PCDH15: variants seen among roughly 807,000 people sequenced by gnomAD.
PCDH15 encodes protocadherin-15.
In PCDH15, 129 loss-of-function variants were observed where a neutral mutation model predicts 178.5. The ratio of observed to expected loss-of-function variants is 0.72; its 90% CI spans 0.63 to 0.84. PCDH15 has a LOEUF of 0.84. Ranked by LOEUF, PCDH15 falls within the 40% of genes least tolerant of loss-of-function variation. The pLI is 0.00. For missense variants in PCDH15, 2,230 were observed against 2,099.9 expected (o/e 1.06, Z -1.21); for synonymous variants, 800 against 732.0 (o/e 1.09, Z -1.50).
intron 1 of PCDH15, among the ~76,000 whole-genome samples, chr10:54,796,268 A>ATCTATCTGTCTG (rs1554796123): frequency 9.1e-5 from 11 of 120,932 alleles, no homozygotes; most frequent in South Asian, 5.4e-4. Context: ...CTATCTATCT[A>ATCTATCTGTCTG]TCTATGTATC....
chr10:55,388,919 A>G (rs1328675092), intron 2 of PCDH15, among the ~76,000 whole-genome samples: 2 of 152,126 alleles, frequency 1.3e-5, no homozygotes, highest in Non-Finnish European at 2.9e-5. Flanking sequence ...GTTTGGGAGA[A>G]AAATTCAGAA....
At chr10:54,828,391 T>G (rs538416620) in intron 3 of PCDH15, among the ~76,000 whole-genome samples, 5 of 152,076 alleles carry the variant, frequency 3.3e-5, no homozygotes, top group Admixed American at 1.3e-4. Flanking sequence ...GTAATTCAAT[T>G]TATAACTTCA....
At chr10:54,407,295 G>C (rs1484102202) in intron 3 of PCDH15, among the ~76,000 whole-genome samples, 2 of 151,952 alleles carry the variant, frequency 1.3e-5, no homozygotes, top group Non-Finnish European at 2.9e-5. Flanking sequence ...AGTTACATGT[G>C]TGTATATACT....
At chr10:55,616,545 T>C (rs1182490424) in intron 2 of PCDH15, among the ~76,000 whole-genome samples, 2 of 151,484 alleles carry the variant, frequency 1.3e-5, no homozygotes, top group Non-Finnish European at 2.9e-5. Context: ...AGTAACTCTC[T>C]GAGTGATACA....
intron 25 of PCDH15, among the ~76,000 whole-genome samples, chr10:53,920,831 C>G (rs1045487664): frequency 2.0e-5 from 3 of 151,964 alleles, no homozygotes; most frequent in Non-Finnish European, 2.9e-5. Context: ...AAATATTTCC[C>G]TAGGTATATT....
At chr10:54,107,880 A>G (rs1467726785) in intron 15 of PCDH15, among the ~76,000 whole-genome samples, 1 of 152,194 alleles carries the variant, frequency 6.6e-6, no homozygotes, top group East Asian at 1.9e-4. Flanking sequence ...AGATGTCTGG[A>G]ATGGGAGGTC....
At chr10:54,496,069 T>G (rs1423208125) in intron 3 of PCDH15, among the ~76,000 whole-genome samples, 2 of 152,196 alleles carry the variant, frequency 1.3e-5, no homozygotes, top group Non-Finnish European at 2.9e-5. Flanking sequence ...AGGATTGTGC[T>G]TTACATATCC....
At chr10:55,607,625 A>C (rs1843253613) in intron 2 of PCDH15, among the ~76,000 whole-genome samples, 1 of 148,946 alleles carries the variant, frequency 6.7e-6, no homozygotes, top group Non-Finnish European at 1.5e-5. Flanking sequence ...GGAAATCATC[A>C]TTCTCAGTAA....
intron 3 of PCDH15, among the ~76,000 whole-genome samples, chr10:54,432,529 C>G (rs547613548): frequency 6.6e-6 from 1 of 152,156 alleles, no homozygotes; most frequent in South Asian, 2.1e-4. Context: ...TATCCATATG[C>G]AGAAGAATGA....
At chr10:55,486,215 TGATCCTGGG>T (rs1840294799) in intron 2 of PCDH15, among the ~76,000 whole-genome samples, 1 of 151,640 alleles carries the variant, frequency 6.6e-6, no homozygotes, top group South Asian at 2.1e-4. Context: ...AACGTGAGGG[TGATCCTGGG>T]GATACCTTCC....
At chr10:54,400,171 A>C (rs1589221000) in intron 3 of PCDH15, among the ~76,000 whole-genome samples, 1 of 152,220 alleles carries the variant, frequency 6.6e-6, no homozygotes, top group Non-Finnish European at 1.5e-5. Flanking sequence ...TCAGAGTAGG[A>C]GATAAAGTAT....
At chr10:54,295,950 C>A (rs1281734887) in intron 8 of PCDH15, among the ~76,000 whole-genome samples, 1 of 150,458 alleles carries the variant, frequency 6.6e-6, no homozygotes, top group East Asian at 2.0e-4. Context: ...CGAGACCATC[C>A]CGGCTAAAAT....
chr10:55,071,728 A>G (rs1429255086), intron 2 of PCDH15, among the ~76,000 whole-genome samples: 1 of 152,182 alleles, frequency 6.6e-6, no homozygotes, highest in Non-Finnish European at 1.5e-5. Context: ...AATTGAACTC[A>G]TCTCTGCACC....
At chr10:55,471,868 G>T (rs771239149) in intron 2 of PCDH15, among the ~76,000 whole-genome samples, 1 of 152,108 alleles carries the variant, frequency 6.6e-6, no homozygotes, top group Non-Finnish European at 1.5e-5. Flanking sequence ...TATTTTTGCT[G>T]TAACCTGGGG....
intron 26 of PCDH15, among the ~76,000 whole-genome samples, chr10:53,900,908 G>A (rs1286064172): frequency 2.0e-5 from 3 of 152,040 alleles, no homozygotes; most frequent in Non-Finnish European, 4.4e-5. Context: ...TTTAACATTT[G>A]GCTTATCTTT....
At chr10:55,586,476 T>C (rs1427595373) in intron 2 of PCDH15, among the ~76,000 whole-genome samples, 2 of 152,138 alleles carry the variant, frequency 1.3e-5, no homozygotes, top group African/African-American at 4.8e-5. Context: ...AACTTTCTTC[T>C]GAAAATTCCC....
chr10:54,896,533 G>A (rs558914838), intron 3 of PCDH15, among the ~76,000 whole-genome samples: 4 of 151,494 alleles, frequency 2.6e-5, no homozygotes, highest in African/African-American at 9.7e-5. Flanking sequence ...AAATAGCTTA[G>A]CTCCATGAAC....
intron 27 of PCDH15, among the ~76,000 whole-genome samples, chr10:53,859,023 T>A (rs2078935761): frequency 7.1e-6 from 1 of 141,460 alleles, no homozygotes; most frequent in Non-Finnish European, 1.6e-5. Flanking sequence ...TCTTTCTTCC[T>A]TCCCTCTCCT....
At chr10:54,858,593 TAGTC>T (rs1953782700) in intron 3 of PCDH15, among the ~76,000 whole-genome samples, 1 of 152,074 alleles carries the variant, frequency 6.6e-6, no homozygotes, top group Admixed American at 6.6e-5. Context: ...GCTTCTTTGT[TAGTC>T]AGAATGCTAC....
Sources: allele counts gnomAD v4.1 joint callset (sites outside exome capture counted in the v4.1 genomes callset), GRCh38; gene constraint gnomAD v4.1.1; transcripts MANE v1.5; gene names NCBI Gene and HGNC (gene_info 2026-07-23, HGNC 2026-07-21).